Variants in HUWE1 observed in about 807,000 individuals in gnomAD.
HUWE1 encodes E3 ubiquitin-protein ligase HUWE1.
In HUWE1, 18 loss-of-function variants were observed where a neutral mutation model predicts 299.4. The observed-to-expected ratio is 0.06, with a 90% CI of 0.04 to 0.09. The LOEUF (loss-of-function observed/expected upper bound fraction) is 0.09. Among genes scored for constraint, HUWE1 ranks in the 10% least tolerant of loss-of-function variants. The pLI is 1.00. For missense variants in HUWE1, 1,832 were observed against 3,462.3 expected, an observed-to-expected ratio of 0.53 and a Z score of 11.82; for synonymous variants, 1,317 against 1,286.1, an observed-to-expected ratio of 1.02 and a Z score of -0.51.
intron 50 of HUWE1, 94 bp from the exon 51 acceptor site, chrX:53,564,816 G>T: frequency 9.1e-7 from 1 of 1,099,460 alleles, no homozygotes. Flanking sequence ...CCCTTCCTTG[G>T]GCAAGTTTGT....
chrX:53,546,374 GA>G, intron 70 of HUWE1, 61 bp downstream of exon 70: 1 of 1,076,843 alleles, frequency 9.3e-7, no homozygotes, highest in Non-Finnish European at 1.3e-6. Flanking sequence ...AAGGATTCCA[GA>G]AAGAGGAAGC....
Position 53,628,758 on chromosome X carries a change from T to C in HUWE1, c.1108A>G (p.Met370Val). 1.7e-6 allele frequency: 2 copies of C among 1,211,774 alleles called. No individual in the cohort carries two copies. The stretch of plus-strand genomic sequence containing the variant: ...AATCACCATCAAAACTTACCAATCA[T>C]GGCCTGGATACAGTTCCTTACAAGC... ...PVLVRNCIQA[M>V]IDPSMDPYPH... Residue 370 changes from methionine to valine, a missense_variant, in exon 14 of 84, where the codon ATG (methionine) becomes GTG (valine). Coordinates refer to ENST00000262854, the MANE Select transcript of HUWE1 (RefSeq NM_031407.7).
intron 3 of HUWE1, among the ~76,000 whole-genome samples, chrX:53,662,148 GC>G (rs1161204915): frequency 9.1e-6 from 1 of 110,244 alleles, no homozygotes; most frequent in Non-Finnish European, 1.9e-5. Flanking sequence ...AGAATTTCAG[GC>G]CCCACCTAGA....
chrX:53,542,566 A>G (rs782544456), intron 73 of HUWE1, 27 bp from the exon 74 acceptor site: 6 of 990,087 alleles, frequency 6.1e-6, no homozygotes, highest in Admixed American at 4.4e-5. Context: ...CAAAAATCAC[A>G]TAAGGGTGCA....
At chrX:53,608,429 G>A (rs1556998939) in intron 24 of HUWE1, among the ~76,000 whole-genome samples, 1 of 112,255 alleles carries the variant, frequency 8.9e-6, no homozygotes, top group Non-Finnish European at 1.9e-5. Flanking sequence ...CACCATGAGT[G>A]TTTCAGATTT....
intron 40 of HUWE1, 102 bp from the exon 41 acceptor site, chrX:53,584,447 G>T: frequency 1.5e-6 from 1 of 685,528 alleles, no homozygotes. Flanking sequence ...CAACAGGAAG[G>T]AACTCTGGCA....
chrX:53,538,874 T>C lies in HUWE1; in HGVS notation c.11839A>G (p.Ser3947Gly). The C allele has an allele frequency of 8.3e-7, 1 of 1,206,791 alleles. No homozygotes were observed. Among genetic ancestry groups the C allele is most frequent in the Non-Finnish European group, 1.1e-6 (1 of 892,953 alleles). Reference sequence around the variant, plus strand: ...AACTTCTGTGTGTCAGGGGGCAGGCTTGAGGAGATGTGCATAGATGAGGGC... The same window carrying C: ...AACTTCTGTGTGTCAGGGGGCAGGCCTGAGGAGATGTGCATAGATGAGGGC... ...REPSSMHISS[S>G]LPPDTQKFLR... Residue 3947 changes from serine to glycine, a missense_variant, in exon 76 of 84, where the codon AGC (serine) becomes GGC (glycine). Physicochemically the swap from Ser to Gly is moderately conservative, Grantham distance 56. Coordinates refer to ENST00000262854, the MANE Select transcript of HUWE1 (RefSeq NM_031407.7).
At chrX:53,634,799 T>C (rs1485880752) in intron 7 of HUWE1, among the ~76,000 whole-genome samples, 2 of 112,117 alleles carry the variant, frequency 1.8e-5, no homozygotes, top group African/African-American at 6.5e-5. Context: ...CAAAGCAGAT[T>C]CTACCTTATT....
At chrX:53,548,586 T>C (rs1306475921) in intron 67 of HUWE1, among the ~76,000 whole-genome samples, 2 of 112,704 alleles carry the variant, frequency 1.8e-5, no homozygotes, top group African/African-American at 6.5e-5. Context: ...GCACAGTGCC[T>C]GGCACAAGGC....
intron 7 of HUWE1, among the ~76,000 whole-genome samples, chrX:53,639,177 G>A (rs1392836703): frequency 9.0e-6 from 1 of 111,578 alleles, no homozygotes; most frequent in East Asian, 2.8e-4. Flanking sequence ...TAACCAAATG[G>A]AAAAATGGAC....
At chrX:53,645,226 T>C in intron 7 of HUWE1, 85 bp downstream of exon 7, 1 of 1,000,180 alleles carries the variant, frequency 1.0e-6, no homozygotes, top group Non-Finnish European at 1.4e-6. Flanking sequence ...GATTCTAATA[T>C]ATTTTAACAC....
intron 34 of HUWE1, 89 bp from the exon 35 acceptor site, chrX:53,590,588 T>C: frequency 1.5e-6 from 1 of 679,434 alleles, no homozygotes; most frequent in Non-Finnish European, 2.4e-6. Flanking sequence ...CAATCAGACA[T>C]CTTGTGCTCA....
At chrX:53,562,971 C>A (rs1556942621) in intron 52 of HUWE1, 42 bp from the exon 53 acceptor site, 1 of 1,091,965 alleles carries the variant, frequency 9.2e-7, no homozygotes, top group East Asian at 3.0e-5. Context: ...CAACAGAGGA[C>A]TTCCCTTTCC....
In HUWE1 at chrX:53,536,211, C is replaced by T. The variant is rs1556912835; in HGVS notation, c.12467G>A (p.Gly4156Asp). Residue 4156 changes from glycine to aspartate, a missense_variant, in exon 80 of 84, where the codon GGT becomes GAT. Physicochemically the swap from Gly to Asp is moderately conservative, Grantham distance 94. Transcript: ENST00000262854. Reference sequence around the variant, plus strand: ...ATCATTTTCCAGCAGATAAACCAGACCTTGGTAGAAGTGGTAATCTTCACT... The same window carrying T: ...ATCATTTTCCAGCAGATAAACCAGATCTTGGTAGAAGTGGTAATCTTCACT... ...MESEDYHFYQ[G>D]LVYLLENDVS... 1 of 1,202,091 alleles carries T rather than the reference C, an allele frequency of 8.3e-7. No homozygotes were observed. Among genetic ancestry groups the T allele is most frequent in the African/African-American group, 1.7e-5 (1 of 57,333 alleles).
In HUWE1 at chrX:53,603,373, T is replaced by C; in HGVS notation, c.2871A>G (p.Pro957=). 1 of 1,209,181 alleles carries C rather than the reference T, an allele frequency of 8.3e-7. No individual in the cohort carries two copies. The highest frequency in any genetic ancestry group is 1.1e-6 in the Non-Finnish European group (1 of 893,653). Residue 957 remains proline (P), a synonymous_variant, in exon 27 of 84, where the codon CCA becomes CCG. Transcript: ENST00000262854. The stretch of plus-strand genomic sequence containing the variant: ...AGAGAGAGCCATTCTCTTACCTGTT[T>C]GGGGTACACAGAGAGAGGAGGACAG... ...ESTVLLSLCT[P]NSLPSGCEFG...
intron 35 of HUWE1, 28 bp downstream of exon 35, chrX:53,590,376 C>T: frequency 1.1e-6 from 1 of 950,934 alleles, no homozygotes; most frequent in East Asian, 3.1e-5. Context: ...TGTGCCAAGC[C>T]CTTTAGGATG....
chrX:53,556,364 G>A (rs1556934876), intron 60 of HUWE1: 1 of 340,618 alleles, frequency 2.9e-6, no homozygotes, highest in African/African-American at 2.7e-5. Flanking sequence ...GCAGGCAAAA[G>A]GCCATTTTAC....
chrX:53,629,436 C>G (rs1233765616), intron 13 of HUWE1, 80 bp downstream of exon 13: 3 of 648,358 alleles, frequency 4.6e-6, no homozygotes, highest in South Asian at 2.2e-5. Context: ...TCCCCTCCCC[C>G]CCCAAAAAAG....
At chrX:53,623,400 G>A (rs1213914059) in intron 19 of HUWE1, among the ~76,000 whole-genome samples, 1 of 111,771 alleles carries the variant, frequency 8.9e-6, no homozygotes, top group Non-Finnish European at 1.9e-5. Flanking sequence ...ACTATTGTCT[G>A]AATTTTGCCA....
Sources: gnomAD v4.1 joint callset for allele counts (sites outside exome capture counted in the v4.1 genomes callset) on GRCh38, gnomAD v4.1.1 for gene constraint, MANE v1.5 for transcripts, NCBI Gene and HGNC (gene_info 2026-07-23, HGNC 2026-07-21) for gene names.